Variants in RAPGEF5 observed in about 807,000 individuals in gnomAD.
RAPGEF5 encodes M-Ras-regulated GEF.
A neutral mutation model predicts 125.2 loss-of-function variants in RAPGEF5; 65 were observed. The ratio of observed to expected loss-of-function variants is 0.52; its 90% CI spans 0.43 to 0.64. The LOEUF is 0.64. Among genes scored for constraint, RAPGEF5 ranks in the 30% least tolerant of loss-of-function variants. The pLI, the probability that RAPGEF5 is intolerant of heterozygous loss-of-function variation, is 0.00. For synonymous variants in RAPGEF5, 391 were observed against 385.9 expected, an observed-to-expected ratio of 1.01 and a Z score of -0.16; for missense variants, 958 against 1,048.1, an observed-to-expected ratio of 0.91 and a Z score of 1.19.
chr7:22,283,399 A>C (rs1782720565), intron 6 of RAPGEF5, among the ~76,000 whole-genome samples: 1 of 152,180 alleles, frequency 6.6e-6, no homozygotes, highest in Non-Finnish European at 1.5e-5. Flanking sequence ...ACCACCAAAA[A>C]ATTCAAGTAA....
chr7:22,158,654 C>T (rs1292187617), intron 14 of RAPGEF5, among the ~76,000 whole-genome samples: 2 of 151,500 alleles, frequency 1.3e-5, no homozygotes, highest in Non-Finnish European at 2.9e-5. Context: ...GAGACAGAGT[C>T]TCACTCTCTC....
At chr7:22,319,209 C>T (rs1330361692) in intron 1 of RAPGEF5, among the ~76,000 whole-genome samples, 2 of 152,120 alleles carry the variant, frequency 1.3e-5, no homozygotes, top group South Asian at 4.1e-4. Flanking sequence ...TGTTTAAAGG[C>T]TCTTTCCATC....
chr7:22,281,185 G>C (rs145738525), intron 6 of RAPGEF5, among the ~76,000 whole-genome samples: 1 of 152,072 alleles, frequency 6.6e-6, no homozygotes, highest in African/African-American at 2.4e-5. Flanking sequence ...ATTCTTATCC[G>C]TAATACAAGG....
chr7:22,148,219 A>T (rs1008320306), intron 18 of RAPGEF5, among the ~76,000 whole-genome samples: 6 of 152,226 alleles, frequency 3.9e-5, no homozygotes, highest in South Asian at 2.1e-4. Flanking sequence ...ACTTTCTAAG[A>T]AAGACCCAGA....
intron 11 of RAPGEF5, among the ~76,000 whole-genome samples, chr7:22,176,874 T>C (rs972984236): frequency 6.6e-6 from 1 of 152,192 alleles, no homozygotes; most frequent in African/African-American, 2.4e-5. Flanking sequence ...ATCTTACATT[T>C]ACTGACAATT....
chr7:22,185,859 ATTT>A lies in RAPGEF5; in HGVS notation c.1204+7505_1204+7507del, dbSNP rs368164128. Among the ~76,000 whole-genome samples, 5 of 145,948 alleles carry A rather than the reference ATTT, an allele frequency of 3.4e-5. No individual in the cohort carries two copies. The South Asian group carries it at 1.1e-3, about 32-fold the overall frequency. On this transcript the variant is annotated intron_variant, in intron 11 of 25. Transcript: ENST00000665637. The stretch of plus-strand genomic sequence containing the variant: ...GCATGTATGCAAACAAATTAATCTA[ATTT>A]TTTTTTTTTTGAGATAGAGTCTTAC...
intron 1 of RAPGEF5, among the ~76,000 whole-genome samples, chr7:22,320,230 C>T (rs1237848947): frequency 6.6e-6 from 1 of 152,200 alleles, no homozygotes; most frequent in African/African-American, 2.4e-5. Flanking sequence ...CAGCTGTTCT[C>T]AAACTTGTTA....
At chr7:22,193,477 A>G in intron 10 of RAPGEF5, 22 bp from the exon 11 acceptor site, 1 of 1,574,872 alleles carries the variant, frequency 6.3e-7, no homozygotes, top group African/African-American at 1.3e-5. Flanking sequence ...CAGAGAGTCC[A>G]CTGAGTCATC....
At chr7:22,222,372 T>C (rs1348502582) in intron 8 of RAPGEF5, among the ~76,000 whole-genome samples, 2 of 152,110 alleles carry the variant, frequency 1.3e-5, no homozygotes, top group African/African-American at 2.4e-5. Context: ...GATAAATAAC[T>C]GAAGGCATTA....
At chr7:22,209,023 T>A (rs2128129999) in intron 9 of RAPGEF5, among the ~76,000 whole-genome samples, 1 of 152,238 alleles carries the variant, frequency 6.6e-6, no homozygotes, top group South Asian at 2.1e-4. Context: ...TCTGTGCACA[T>A]CTCCTCTATG....
At position 22,136,914 on chromosome 7, in the gene RAPGEF5, CT is replaced by C. The variant is rs1783096763; in HGVS notation, c.2328+18del. On this transcript the variant is annotated intron_variant, in intron 22 of 25. Coordinates refer to ENST00000665637, the MANE Select transcript of RAPGEF5 (RefSeq NM_012294.5). The stretch of plus-strand genomic sequence containing the variant: ...GCAATTATTTTGAAGAATAAGTCCC[CT>C]TTGGCTCAACTACTTACTGTTAAAC... The C allele has an allele frequency of 6.5e-7, 1 of 1,548,670 alleles. No homozygotes were observed. The highest frequency in any genetic ancestry group is 1.2e-5 in the South Asian group (1 of 86,086).
chr7:22,291,353 GTACT>G (rs1356046719), intron 5 of RAPGEF5, 112 bp from the exon 6 acceptor site: 1 of 1,411,638 alleles, frequency 7.1e-7, no homozygotes, highest in Non-Finnish European at 9.3e-7. Flanking sequence ...ATTAGCAAAA[GTACT>G]CATGAAAATA....
chr7:22,343,983 C>A (rs1784177468), intron 1 of RAPGEF5, among the ~76,000 whole-genome samples: 1 of 152,152 alleles, frequency 6.6e-6, no homozygotes. Flanking sequence ...AACAGCTTCT[C>A]CGATTCCAAA....
At chr7:22,345,173 G>A (rs548593854) in intron 1 of RAPGEF5, among the ~76,000 whole-genome samples, 7 of 152,342 alleles carry the variant, frequency 4.6e-5, no homozygotes, top group Admixed American at 1.3e-4. Context: ...ACCGCAGCCT[G>A]AGGCTAACTT....
chr7:22,326,435 T>C (rs1783815265), intron 1 of RAPGEF5, among the ~76,000 whole-genome samples: 1 of 152,182 alleles, frequency 6.6e-6, no homozygotes, highest in Non-Finnish European at 1.5e-5. Context: ...ACAGCAGAGT[T>C]ACATAATGGC....
intron 7 of RAPGEF5, among the ~76,000 whole-genome samples, chr7:22,241,650 G>A (rs1786333945): frequency 6.6e-6 from 1 of 152,068 alleles, no homozygotes; most frequent in Non-Finnish European, 1.5e-5. Context: ...GTGGAAGGAG[G>A]GATGGATTTA....
intron 11 of RAPGEF5, among the ~76,000 whole-genome samples, chr7:22,182,782 T>G (rs1187034227): frequency 2.0e-5 from 3 of 152,212 alleles, no homozygotes; most frequent in Admixed American, 1.3e-4. Context: ...GGAGACAGGA[T>G]ATCAAGAGAA....
rs1419317672 is a variant in RAPGEF5 at position 22,119,626 on chromosome 7, C to T, written c.*2780G>A. ...GAATGCTGACGAATCCAAAGACCCA[C>T]AGGACTGTCTGAGAGTTGTGCTGTA... On this transcript the variant is annotated 3_prime_UTR_variant, in exon 26 of 26. Coordinates refer to ENST00000665637, the MANE Select transcript of RAPGEF5 (RefSeq NM_012294.5). The surrounding 1 kb of genome is among the most constrained non-coding windows in gnomAD (Gnocchi z 4.1). 1 of 152,224 alleles carries T rather than the reference C, an allele frequency of 6.6e-6. No individual in the cohort carries two copies. Among genetic ancestry groups the T allele is most frequent in the Non-Finnish European group, 1.5e-5 (1 of 68,050 alleles). 9.4% of individuals were successfully genotyped at this position (152,224 alleles called of 1,614,324 possible). A position where few individuals can be genotyped will look rare whatever the true frequency, so the allele number is the denominator to read the frequency against.
intron 14 of RAPGEF5, among the ~76,000 whole-genome samples, chr7:22,158,953 A>G (rs1783898648): frequency 6.6e-6 from 1 of 151,906 alleles, no homozygotes. Context: ...TCTTAATATC[A>G]TTTTCTTATT....
Sources: allele counts gnomAD v4.1 joint callset (sites outside exome capture counted in the v4.1 genomes callset), GRCh38; gene constraint gnomAD v4.1.1; non-coding constraint Gnocchi (gnomAD v3.1); transcripts MANE v1.5; gene names NCBI Gene and HGNC (gene_info 2026-07-23, HGNC 2026-07-21).